Variants in SZT2 observed in about 807,000 individuals in gnomAD.
SZT2 encodes the protein SZT2 subunit of KICSTOR complex.
Under a neutral mutation model 404.2 loss-of-function variants are expected in SZT2, and 216 were observed. The ratio of observed to expected loss-of-function variants is 0.53; its 90% CI spans 0.48 to 0.60. The LOEUF is 0.60. Among genes scored for constraint, SZT2 ranks in the 20% least tolerant of loss-of-function variants. The pLI is 0.00. For synonymous variants in SZT2, 1,693 were observed against 1,749.9 expected, an observed-to-expected ratio of 0.97 and a Z score of 0.81; for missense variants, 3,857 against 4,459.2, an observed-to-expected ratio of 0.86 and a Z score of 3.85.
At chr1:43,414,515 A>AG (rs1378229996) in intron 4 of SZT2, among the ~76,000 whole-genome samples, 5 of 151,994 alleles carry the variant, frequency 3.3e-5, no homozygotes, top group Non-Finnish European at 7.4e-5. Flanking sequence ...TCTGCCTTCC[A>AG]GGTCCCAGTT....
At chr1:43,400,483 A>G (rs996590590) in intron 1 of SZT2, among the ~76,000 whole-genome samples, 3 of 152,158 alleles carry the variant, frequency 2.0e-5, no homozygotes, top group African/African-American at 7.2e-5. Context: ...CTGAGCCTAC[A>G]CTTACTACTT....
chr1:43,422,267 C>T lies in SZT2; in HGVS notation c.1769+42C>T, dbSNP rs372669775. Reference sequence around the variant, plus strand: ...CTGGGCCATAGTTGGGGTGGAGTATCGGGGTCAGGGGGATAGGGAATGATG... The same window carrying T: ...CTGGGCCATAGTTGGGGTGGAGTATTGGGGTCAGGGGGATAGGGAATGATG... On this transcript the variant is annotated intron_variant, in intron 12 of 71. Transcript: ENST00000634258. 47 of 1,544,790 alleles carry T rather than the reference C, an allele frequency of 3.0e-5. No homozygotes were observed. In the African/African-American group the frequency reaches 4.9e-4, roughly 16 times the overall value.
At chr1:43,395,844 T>C (rs1648930672) in intron 1 of SZT2, among the ~76,000 whole-genome samples, 1 of 152,246 alleles carries the variant, frequency 6.6e-6, no homozygotes, top group African/African-American at 2.4e-5. Flanking sequence ...ACCTTGCCTT[T>C]GTTCTTTTTG....
Position 43,432,333 on chromosome 1 carries a change from T to A in SZT2, c.5336T>A (p.Phe1779Tyr). Residue 1779 changes from phenylalanine to tyrosine, a missense_variant, in exon 37 of 72, where the codon TTC (phenylalanine) becomes TAC (tyrosine). Transcript: ENST00000634258. Reference protein sequence around the residue: ...VLLEDPDSGFFFVAAGQQPGG... With the variant: ...VLLEDPDSGFYFVAAGQQPGG... ...CTTGAAGACCCTGACAGTGGCTTCT[T>A]CTTTGTGGCAGCTGGCCAACAGCCA... 1.9e-6 allele frequency: 3 copies of A among 1,605,904 alleles called. No homozygotes were observed. The highest frequency in any genetic ancestry group is 1.7e-6 in the Non-Finnish European group (2 of 1,176,810).
In SZT2 at chr1:43,440,027, T is replaced by G. The variant is rs369083011; in HGVS notation, c.7189T>G (p.Cys2397Gly). Residue 2397 changes from cysteine to glycine, a missense_variant, in exon 51 of 72, where the codon TGT becomes GGT. Physicochemically the swap from Cys to Gly is radical, Grantham distance 159 (BLOSUM62 -3). Coordinates refer to ENST00000634258, the MANE Select transcript of SZT2 (RefSeq NM_001365999.1). ...IELQLLPASL[C>G]TEDTPTGSLR... ...GCTTCAGCTGCTGCCAGCTTCACTA[T>G]GTACAGAGGACACACCCACAGGTAT... 1.9e-6 allele frequency: 3 copies of G among 1,614,030 alleles called. No homozygotes were observed. Among genetic ancestry groups the G allele is most frequent in the Non-Finnish European group, 2.5e-6 (3 of 1,179,940 alleles).
chr1:43,451,272 C>T lies in SZT2; in HGVS notation c.*792C>T, dbSNP rs747620571. 3.7e-6 allele frequency: 6 copies of T among 1,613,832 alleles called. No homozygotes were observed. Among genetic ancestry groups the T allele is most frequent in the Middle Eastern group, 1.6e-4 (1 of 6,062 alleles). On this transcript the variant is annotated 3_prime_UTR_variant, in exon 72 of 72. Coordinates refer to ENST00000634258, the MANE Select transcript of SZT2 (RefSeq NM_001365999.1). ...AGCCTCTGGGTGGCCCCGCCTATCC[C>T]AGTATGAACGTAGCCAACTCAAGCC...
chr1:43,426,586 T>C lies in SZT2; in HGVS notation c.3214+48T>C, dbSNP rs1450598093. 1 of 1,513,190 alleles carries C rather than the reference T, an allele frequency of 6.6e-7. No individual in the cohort carries two copies. The highest frequency in any genetic ancestry group is 1.4e-5 in the African/African-American group (1 of 72,596). The allele number at this position is 1,513,190 out of a possible 1,614,324, so 93.7% of individuals were successfully genotyped here. A position where few individuals can be genotyped will look rare whatever the true frequency, so the allele number is the denominator to read the frequency against. ...ACACCAGACCCTGGCCCAGCCCTTT[T>C]CCCCCACCCTCACAGGGTGATTTCT... On this transcript the variant is annotated intron_variant, in intron 22 of 71. Transcript: ENST00000634258. This position sits in a 1 kb window ranked among gnomAD's most constrained non-coding sequence, Gnocchi z 4.9.
In SZT2 at chr1:43,447,661, G is replaced by A. The variant is rs2153936827; in HGVS notation, c.9403G>A (p.Glu3135Lys). Residue 3135 changes from glutamate (E) to lysine (K), a missense_variant, in exon 67 of 72, where the codon GAA (glutamate) becomes AAA (lysine). Physicochemically the swap from Glu to Lys is moderately conservative, Grantham distance 56. Coordinates refer to ENST00000634258, the MANE Select transcript of SZT2 (RefSeq NM_001365999.1). The stretch of plus-strand genomic sequence containing the variant: ...GCGAATGGCCCGGCCAGGGGGCCCA[G>A]AACACAACGAGTATGCCCTGGTGTC... The part of the protein sequence containing the change: ...PLRMARPGGP[E>K]HNEYALVSAW... The A allele has an allele frequency of 6.2e-7, 1 of 1,614,162 alleles. No individual in the cohort carries two copies.
chr1:43,425,249 C>T lies in SZT2; in HGVS notation c.2645+42C>T, dbSNP rs769530744. On this transcript the variant is annotated intron_variant, in intron 18 of 71. Coordinates refer to ENST00000634258, the MANE Select transcript of SZT2 (RefSeq NM_001365999.1). This position sits in a 1 kb window ranked among gnomAD's most constrained non-coding sequence, Gnocchi z 4.3. Reference sequence around the variant, plus strand: ...GTGAGGGCCGCCTCTGCAGAGTCAGCCTTCTCCCCACCATCCCCTAGAGGT... The same window carrying T: ...GTGAGGGCCGCCTCTGCAGAGTCAGTCTTCTCCCCACCATCCCCTAGAGGT... 1.7e-5 allele frequency: 27 copies of T among 1,608,162 alleles called. No homozygotes were observed. The highest frequency in any genetic ancestry group is 2.0e-5 in the Non-Finnish European group (24 of 1,175,014).
At chr1:43,440,089 C>T in intron 51 of SZT2, 41 bp downstream of exon 51, 1 of 1,612,028 alleles carries the variant, frequency 6.2e-7, no homozygotes. Flanking sequence ...GAGAATGTCA[C>T]AGATCCAAGC....
chr1:43,453,562 C>T lies in SZT2; in HGVS notation c.*3082C>T, dbSNP rs1034392506. 7.9e-6 allele frequency: 12 copies of T among 1,513,946 alleles called. No individual in the cohort carries two copies. The highest frequency in any genetic ancestry group is 4.2e-5 in the African/African-American group (3 of 72,154). The allele number at this position is 1,513,946 out of a possible 1,614,324, so 93.8% of individuals were successfully genotyped here. A position where few individuals can be genotyped will look rare whatever the true frequency, so the allele number is the denominator to read the frequency against. On this transcript the variant is annotated 3_prime_UTR_variant, in exon 72 of 72. Coordinates refer to ENST00000634258, the MANE Select transcript of SZT2 (RefSeq NM_001365999.1). ...CCCCTGCCCGCGCCCCGGCACCCCC[C>T]AGCCCTCCCAGCCCTCCCGGCCCGC...
rs1653429354 is a variant in SZT2 at position 43,428,272 on chromosome 1, G to A, written c.3952G>A (p.Val1318Met). The change falls in exon 28 of 72, where the codon GTG becomes ATG. Residue 1318 changes from valine to methionine, a missense_variant. Val to Met is a conservative substitution (Grantham distance 21). This residue lies in a region of SZT2 where 1,725 missense variants were observed against 1,881.0 expected (regional missense o/e 0.92). Transcript: ENST00000634258. ...CCGCAGCTTGCAGCAAGCACAGAGT[G>A]TGACCTCCCAGGATTTGCTGACAGC... ...LFRSLQQAQS[V>M]TSQDLLTAVD... The A allele has an allele frequency of 1.9e-6, 3 of 1,614,078 alleles. No individual in the cohort carries two copies. The highest frequency in any genetic ancestry group is 2.2e-5 in the East Asian group (1 of 44,896).
intron 65 of SZT2, 82 bp downstream of exon 65, chr1:43,446,498 G>A: frequency 4.5e-6 from 7 of 1,546,474 alleles, no homozygotes; most frequent in Non-Finnish European, 6.2e-6. Context: ...TTGCTGGGCA[G>A]TAGAGTAATG....
rs1653039956 is a variant in SZT2 at position 43,425,538 on chromosome 1, C to G, written c.2710C>G (p.Leu904Val). ...EALEGDSELN[L>V]VTEVWVEPQY... is the part of the protein sequence containing the mutation. ...CCTGGAGGGAGACTCAGAGCTCAAT[C>G]TGGTCACTGAGGTGTGGGTGGAGCC... is the stretch of plus-strand genomic sequence containing the variant. Residue 904 changes from leucine to valine, a missense_variant, in exon 19 of 72, where the codon CTG (leucine) becomes GTG (valine). Leu to Val is a conservative substitution (Grantham distance 32). This residue lies in a region of SZT2 where 1,725 missense variants were observed against 1,881.0 expected (regional missense o/e 0.92). Transcript: ENST00000634258. This position sits in a 1 kb window ranked among gnomAD's most constrained non-coding sequence, Gnocchi z 4.3. The G allele has an allele frequency of 6.2e-7, 1 of 1,614,088 alleles. No individual in the cohort carries two copies. The highest frequency in any genetic ancestry group is 1.3e-5 in the African/African-American group (1 of 74,930).
chr1:43,448,150 T>C lies in SZT2; in HGVS notation c.9635T>C (p.Phe3212Ser), dbSNP rs1655916680. Reference protein sequence around the residue: ...FPRLTADMRRFRKPPRLPPEP... With the variant: ...FPRLTADMRRSRKPPRLPPEP... The stretch of plus-strand genomic sequence containing the variant: ...AGGCTCACTGCTGACATGCGCCGCT[T>C]CCGGAAGCCACCCAGACTGCCCCCT... The change falls in exon 69 of 72, where the codon TTC (phenylalanine) becomes TCC (serine). Residue 3212 changes from phenylalanine to serine, a missense_variant. Around this residue, in one of 7 missense-constraint regions of SZT2, gnomAD observed 717 missense variants for 868.2 expected, o/e 0.83. Transcript: ENST00000634258. The surrounding 1 kb of genome is among the most constrained non-coding windows in gnomAD (Gnocchi z 4.2). 1 of 1,610,342 alleles carries C rather than the reference T, an allele frequency of 6.2e-7. No homozygotes were observed. The highest frequency in any genetic ancestry group is 8.5e-7 in the Non-Finnish European group (1 of 1,177,734).
Position 43,426,969 on chromosome 1 carries a change from A to G in SZT2, c.3310-87A>G, listed in dbSNP as rs1653227340. 1.9e-6 allele frequency: 3 copies of G among 1,585,358 alleles called. No homozygotes were observed. In the Admixed American group the frequency reaches 5.2e-5, roughly 27 times the overall value. On this transcript the variant is annotated intron_variant, in intron 23 of 71. Transcript: ENST00000634258. This position sits in a 1 kb window ranked among gnomAD's most constrained non-coding sequence, Gnocchi z 4.9. Reference sequence around the variant, plus strand: ...GTCCTGGATCTTTCAAGCTATACCTAAGATGAGTCAGCTCTAGGGTGGAGG... The same window carrying G: ...GTCCTGGATCTTTCAAGCTATACCTGAGATGAGTCAGCTCTAGGGTGGAGG...
chr1:43,439,596 T>A lies in SZT2; in HGVS notation c.6878-9T>A. The A allele has an allele frequency of 6.2e-7, 1 of 1,613,848 alleles. No individual in the cohort carries two copies. The highest frequency in any genetic ancestry group is 1.7e-4 in the Middle Eastern group (1 of 6,060). On this transcript the variant is annotated splice_polypyrimidine_tract_variant and intron_variant, in intron 49 of 71. Transcript: ENST00000634258. This position sits in a 1 kb window ranked among gnomAD's most constrained non-coding sequence, Gnocchi z 4.2. Reference sequence around the variant, plus strand: ...CCAGAGCTGAGCCTTCCTATGGATTTCTACCCAGGGGTTGCCTGCATCACT... The same window carrying A: ...CCAGAGCTGAGCCTTCCTATGGATTACTACCCAGGGGTTGCCTGCATCACT...
In SZT2 at chr1:43,450,336, GTC is replaced by G; in HGVS notation, c.10159_10160del (p.Leu3387AspfsTer59). On this transcript the variant is annotated frameshift_variant and splice_region_variant, in exon 72 of 72. Coordinates refer to ENST00000634258, the MANE Select transcript of SZT2 (RefSeq NM_001365999.1). LOFTEE classifies it high-confidence loss of function. This position sits in a 1 kb window ranked among gnomAD's most constrained non-coding sequence, Gnocchi z 4.3. ...GTGCATCCCCACCGTGTTCCCCACA[GTC>G]TCTGACAGTGGTTTTCCGAGAGCCC... The part of the protein sequence containing the change: ...VFLDSHLGKT[S>X]LTVVFREPFP... 1 of 1,614,000 alleles carries G rather than the reference GTC, an allele frequency of 6.2e-7. No homozygotes were observed. Among genetic ancestry groups the G allele is most frequent in the Non-Finnish European group, 8.5e-7 (1 of 1,179,966 alleles).
chr1:43,443,889 G>T, intron 62 of SZT2, 93 bp downstream of exon 62: 1 of 1,508,416 alleles, frequency 6.6e-7, no homozygotes, highest in South Asian at 1.2e-5. Flanking sequence ...GTCCTATGTT[G>T]ACAATTTGGG....
Sources: allele counts gnomAD v4.1 joint callset (sites outside exome capture counted in the v4.1 genomes callset), GRCh38; gene constraint gnomAD v4.1.1; regional missense constraint gnomAD v4.1.1; non-coding constraint Gnocchi (gnomAD v3.1); transcripts MANE v1.5; gene names NCBI Gene and HGNC (gene_info 2026-07-23, HGNC 2026-07-21).